The following C12orf60 variants were observed in gnomAD, a reference collection of about 807,000 sequenced individuals.
C12orf60 encodes chromosome 12 open reading frame 60.
For missense variants in C12orf60, 284 were observed against 283.2 expected (o/e 1.00, Z -0.02); for synonymous variants, 102 against 94.6 (o/e 1.08, Z -0.45).
chr12:14,822,830 A>G, intron 1 of C12orf60, 82 bp from the exon 2 acceptor site: 1 of 1,231,116 alleles, frequency 8.1e-7, no homozygotes, highest in Non-Finnish European at 1.1e-6. Context: ...AGTTATCTTC[A>G]TATTTAGACT....
chr12:14,803,690 T>C lies in C12orf60; in HGVS notation c.-86T>C, dbSNP rs1200989336. On this transcript the variant is annotated 5_prime_UTR_variant, in exon 1 of 2. Transcript: ENST00000330828. ...GAATTAGAAGAAGATAGCTGCTAAC[T>C]GAGTGGCTGACGGTCCTGTCTCTCG... 7.7e-6 allele frequency: 3 copies of C among 390,580 alleles called. No individual in the cohort carries two copies. The East Asian group carries it at 1.1e-4, about 14-fold the overall frequency. The allele number at this position is 390,580 out of a possible 1,614,324, so 24.2% of individuals were successfully genotyped here.
chr12:14,812,903 T>C (rs1031123444), intron 1 of C12orf60, among the ~76,000 whole-genome samples: 13 of 152,130 alleles, frequency 8.5e-5, no homozygotes, highest in African/African-American at 3.1e-4. Flanking sequence ...GATGGTCCTG[T>C]TTAAATATTG....
At chr12:14,821,239 C>T (rs1344052922) in intron 1 of C12orf60, among the ~76,000 whole-genome samples, 2 of 152,030 alleles carry the variant, frequency 1.3e-5, no homozygotes, top group East Asian at 1.9e-4. Context: ...TGCCTATTGA[C>T]GAAAATCTGA....
chr12:14,822,128 T>TG (rs1950315682), intron 1 of C12orf60, among the ~76,000 whole-genome samples: 1 of 22,426 alleles, frequency 4.5e-5, no homozygotes, highest in African/African-American at 1.7e-4. Flanking sequence ...GAGGGTGGGG[T>TG]GGGGGGGCTA....
In C12orf60 at chr12:14,824,323, AG is replaced by A. The variant is rs1360138558; in HGVS notation, c.*651del. The A allele has an allele frequency of 6.6e-6, 1 of 152,226 alleles. No individual in the cohort carries two copies. The highest frequency in any genetic ancestry group is 1.5e-5 in the Non-Finnish European group (1 of 68,028). The allele number at this position is 152,226 out of a possible 1,614,324, so 9.4% of individuals were successfully genotyped here. A position where few individuals can be genotyped will look rare whatever the true frequency, so the allele number is the denominator to read the frequency against. On this transcript the variant is annotated 3_prime_UTR_variant, in exon 2 of 2. Transcript: ENST00000330828. ...ATGGAAGTACTCTAGCCTTTCACAA[AG>A]AAAAGACTTTCACAAGGAAAACACT...
chr12:14,821,065 T>C (rs1950297775), intron 1 of C12orf60, among the ~76,000 whole-genome samples: 1 of 152,196 alleles, frequency 6.6e-6, no homozygotes, highest in Non-Finnish European at 1.5e-5. Flanking sequence ...CTTCTAGAAA[T>C]GCATATTTAA....
intron 1 of C12orf60, among the ~76,000 whole-genome samples, chr12:14,822,518 G>T (rs899233346): frequency 2.0e-5 from 3 of 152,176 alleles, no homozygotes; most frequent in Non-Finnish European, 4.4e-5. Flanking sequence ...GGAAAGATCA[G>T]ATGGAGTGTG....
intron 1 of C12orf60, among the ~76,000 whole-genome samples, chr12:14,818,674 G>A (rs1950261208): frequency 6.6e-6 from 1 of 152,158 alleles, no homozygotes; most frequent in Non-Finnish European, 1.5e-5. Flanking sequence ...CAGCTACTTG[G>A]GAGGCTGAGG....
intron 1 of C12orf60, chr12:14,806,590 C>G (rs1290603467): frequency 1.9e-6 from 3 of 1,614,040 alleles, no homozygotes; most frequent in Non-Finnish European, 2.5e-6. Context: ...TCGAAGCTGT[C>G]AGATAAGCAA....
Position 14,804,735 on chromosome 12 carries a change from T to G in C12orf60, c.-25+984T>G, listed in dbSNP as rs150423686. On this transcript the variant is annotated intron_variant, in intron 1 of 1. Transcript: ENST00000330828. The stretch of plus-strand genomic sequence containing the variant: ...GTGATCATAGTTTTGCAACTCGTTT[T>G]GAAAAACAATGCAAGAAGAGAAAGA... 3 of 152,358 alleles carry G rather than the reference T, an allele frequency of 2.0e-5. No homozygotes were observed. The East Asian group carries it at 5.8e-4, about 29-fold the overall frequency. 9.4% of individuals were successfully genotyped at this position (152,358 alleles called of 1,614,324 possible).
At chr12:14,818,749 C>T (rs914309528) in intron 1 of C12orf60, among the ~76,000 whole-genome samples, 9 of 152,258 alleles carry the variant, frequency 5.9e-5, no homozygotes, top group East Asian at 1.9e-4. Context: ...CGTCACTGCA[C>T]GCCAGCCTGG....
At chr12:14,808,822 C>T (rs554700712) in intron 1 of C12orf60, among the ~76,000 whole-genome samples, 65 of 152,304 alleles carry the variant, frequency 4.3e-4, no homozygotes, top group African/African-American at 1.5e-3. Flanking sequence ...AACAGACACA[C>T]ATTTCCACAA....
chr12:14,805,922 A>G (rs1446492151), intron 1 of C12orf60: 1 of 1,377,982 alleles, frequency 7.3e-7, no homozygotes, highest in East Asian at 2.3e-5. Flanking sequence ...AAGCCTATAG[A>G]AAATGAACCT....
rs79986129 is a variant in C12orf60, at chr12:14,803,782, C to T, written c.-25+31C>T. The T allele has an allele frequency of 1.5e-3, 480 of 320,370 alleles. 12 individuals are homozygous for T. In the East Asian group the frequency reaches 0.021, roughly 14 times the overall value. 19.8% of individuals were successfully genotyped at this position (320,370 alleles called of 1,614,324 possible). On this transcript the variant is annotated intron_variant, in intron 1 of 1. Coordinates refer to ENST00000330828, the MANE Select transcript of C12orf60 (RefSeq NM_175874.4). ...TTGAGCCGTCCGAGAACGGTACATT[C>T]TGCAGATAAAGAAGCGTTCTGCGTT...
chr12:14,806,647 G>C (rs561150713), intron 1 of C12orf60: 22 of 1,608,132 alleles, frequency 1.4e-5, no homozygotes, highest in Non-Finnish European at 1.7e-5. Context: ...CGCCTTTTTG[G>C]GTTCTCTGGG....
chr12:14,813,669 A>G (rs559401848), intron 1 of C12orf60, among the ~76,000 whole-genome samples: 131 of 152,326 alleles, frequency 8.6e-4, no homozygotes, highest in African/African-American at 3.1e-3. Flanking sequence ...ATATTTAGAT[A>G]CAACATAATT....
In C12orf60 at chr12:14,823,286, T is replaced by G. The variant is rs1950334597; in HGVS notation, c.351T>G (p.Ser117Arg). 1 of 1,614,012 alleles carries G rather than the reference T, an allele frequency of 6.2e-7. No individual in the cohort carries two copies. Among genetic ancestry groups the G allele is most frequent in the African/African-American group, 1.3e-5 (1 of 74,920 alleles). ...LHQSAKEVFK[S>R]AHTPVIISVL... ...AGTCAGCTAAAGAAGTATTCAAAAG[T>G]GCCCATACGCCAGTCATCATCTCTG... The change falls in exon 2 of 2, where the codon AGT (serine) becomes AGG (arginine). Residue 117 changes from serine to arginine, a missense_variant. Coordinates refer to ENST00000330828, the MANE Select transcript of C12orf60 (RefSeq NM_175874.4).
chr12:14,818,773 C>T (rs1171736229), intron 1 of C12orf60, among the ~76,000 whole-genome samples: 2 of 152,124 alleles, frequency 1.3e-5, no homozygotes, highest in East Asian at 1.9e-4. Flanking sequence ...CAGAGCAAGA[C>T]TCTGTCTCAA....
At chr12:14,821,600 C>T (rs540442155) in intron 1 of C12orf60, among the ~76,000 whole-genome samples, 14 of 152,302 alleles carry the variant, frequency 9.2e-5, no homozygotes, top group African/African-American at 2.9e-4. Flanking sequence ...CTTTCAGCTA[C>T]GTAAGTCTCC....
Sources: allele counts gnomAD v4.1 joint callset (sites outside exome capture counted in the v4.1 genomes callset), GRCh38; gene constraint gnomAD v4.1.1; transcripts MANE v1.5; gene names NCBI Gene and HGNC (gene_info 2026-07-23, HGNC 2026-07-21).